The following CDH9 variants were observed in gnomAD, a reference collection of about 807,000 sequenced individuals.
CDH9 encodes cadherin 9, also known as cadherin-9.
In CDH9, 28 loss-of-function variants were observed where a neutral mutation model predicts 70.9. The ratio of observed to expected loss-of-function variants is 0.40; its 90% CI spans 0.29 to 0.54. The LOEUF (loss-of-function observed/expected upper bound fraction) is 0.54, where lower values mean the gene tolerates loss of function less well. Ranked by LOEUF, CDH9 falls within the 20% of genes least tolerant of loss-of-function variation. CDH9 has a pLI of 0.59. For missense variants in CDH9, 874 were observed against 984.4 expected (o/e 0.89, Z 1.50); for synonymous variants, 409 against 343.1 (o/e 1.19, Z -2.12).
chr5:27,038,165 AGTTTT>A (rs1490472542), intron 1 of CDH9, among the ~76,000 whole-genome samples: 1 of 151,990 alleles, frequency 6.6e-6, no homozygotes, highest in African/African-American at 2.4e-5. Flanking sequence ...TTTTAAGTTT[AGTTTT>A]ATTTTTACGA....
intron 2 of CDH9, among the ~76,000 whole-genome samples, chr5:26,918,192 C>A (rs1197625120): frequency 5.9e-5 from 9 of 152,112 alleles, no homozygotes; most frequent in Non-Finnish European, 1.3e-4. Flanking sequence ...AGCTTTCAAG[C>A]CTGATGTTTG....
intron 1 of CDH9, among the ~76,000 whole-genome samples, chr5:27,018,476 A>C (rs912851278): frequency 6.6e-6 from 1 of 151,740 alleles, no homozygotes; most frequent in Non-Finnish European, 1.5e-5. Context: ...CACTATTAGT[A>C]AGTTCAACTT....
chr5:26,931,643 A>C (rs1304928777), intron 2 of CDH9, among the ~76,000 whole-genome samples: 1 of 152,162 alleles, frequency 6.6e-6, no homozygotes. Flanking sequence ...ATGGAAGGGC[A>C]TTGTATCATG....
chr5:26,996,387 C>T (rs1290102055), intron 1 of CDH9, among the ~76,000 whole-genome samples: 1 of 151,918 alleles, frequency 6.6e-6, no homozygotes, highest in Non-Finnish European at 1.5e-5. Context: ...AATGATTTCT[C>T]ATCACCCAAT....
In CDH9 at chr5:26,988,116, T is replaced by C; in HGVS notation, c.218A>G (p.Tyr73Cys). Residue 73 changes from tyrosine (Y) to cysteine (C), a missense_variant, in exon 2 of 12, where the codon TAT (tyrosine) becomes TGT (cysteine). Transcript: ENST00000231021. The stretch of plus-strand genomic sequence containing the variant: ...TACAAAAATTCTTACCTTGCCTACA[T>C]ATTGTGTGTCAGTACCTGTGTACTC... ...LEEYTGTDTQYVGKLHTDQDK... is the reference protein window; with the variant it reads ...LEEYTGTDTQCVGKLHTDQDK... 4 of 1,609,044 alleles carry C rather than the reference T, an allele frequency of 2.5e-6. No individual in the cohort carries two copies. Among genetic ancestry groups the C allele is most frequent in the Non-Finnish European group, 3.4e-6 (4 of 1,176,364 alleles).
rs558544451 is a variant in CDH9, at chr5:26,915,725, G to A, written c.428C>T (p.Ser143Leu). ...RKTGRQVEPE[S>L]EFIIKIHDIN... ...ATCATGTATTTTAATGATAAATTCC[G>A]ATTCCGGTTCCACCTGCCGCCCAGT... The change falls in exon 3 of 12, where the codon TCG becomes TTG. Residue 143 changes from serine (S) to leucine (L), a missense_variant. Coordinates refer to ENST00000231021, the MANE Select transcript of CDH9 (RefSeq NM_016279.4). 5 of 1,612,954 alleles carry A rather than the reference G, an allele frequency of 3.1e-6. No individual in the cohort carries two copies. Among genetic ancestry groups the A allele is most frequent in the South Asian group, 2.2e-5 (2 of 91,068 alleles).
At chr5:26,977,007 A>G (rs1261850159) in intron 2 of CDH9, among the ~76,000 whole-genome samples, 1 of 152,054 alleles carries the variant, frequency 6.6e-6, no homozygotes. Context: ...AAGAACAAGG[A>G]AATAGTCTAA....
chr5:26,931,849 A>C (rs1173103228), intron 2 of CDH9, among the ~76,000 whole-genome samples: 1 of 152,034 alleles, frequency 6.6e-6, no homozygotes, highest in African/African-American at 2.4e-5. Context: ...CAAAGAATAT[A>C]CGAAAATTTG....
intron 7 of CDH9, among the ~76,000 whole-genome samples, chr5:26,892,668 A>G (rs895090589): frequency 2.0e-4 from 31 of 152,066 alleles, no homozygotes; most frequent in African/African-American, 7.2e-4. Flanking sequence ...GGCAAACATA[A>G]GTAATAGACA....
At chr5:26,971,917 A>G (rs1001205636) in intron 2 of CDH9, among the ~76,000 whole-genome samples, 2 of 152,216 alleles carry the variant, frequency 1.3e-5, no homozygotes, top group African/African-American at 2.4e-5. Context: ...AAATCTCAAC[A>G]GGATTTACTA....
At chr5:27,007,507 T>C (rs747730306) in intron 1 of CDH9, among the ~76,000 whole-genome samples, 1 of 152,114 alleles carries the variant, frequency 6.6e-6, no homozygotes, top group Non-Finnish European at 1.5e-5. Context: ...TTCAAGAGTT[T>C]ATTATGAATT....
At chr5:26,899,592 T>C (rs1023491704) in intron 7 of CDH9, among the ~76,000 whole-genome samples, 1 of 151,754 alleles carries the variant, frequency 6.6e-6, no homozygotes, top group African/African-American at 2.4e-5. Flanking sequence ...TAAATGGAAG[T>C]TGAACAAGGA....
chr5:27,001,689 A>G (rs1040712809), intron 1 of CDH9, among the ~76,000 whole-genome samples: 26 of 152,154 alleles, frequency 1.7e-4, no homozygotes, highest in Non-Finnish European at 2.4e-4. Flanking sequence ...GAACTCATCT[A>G]TAACCTAGCT....
chr5:27,030,887 G>T (rs999791269), intron 1 of CDH9, among the ~76,000 whole-genome samples: 3 of 151,766 alleles, frequency 2.0e-5, no homozygotes, highest in Admixed American at 6.6e-5. Flanking sequence ...TATATACTTA[G>T]TATATTATTT....
intron 3 of CDH9, among the ~76,000 whole-genome samples, chr5:26,912,959 C>T (rs1741078917): frequency 6.6e-6 from 1 of 152,108 alleles, no homozygotes; most frequent in Admixed American, 6.6e-5. Flanking sequence ...CCTGCACAAG[C>T]TCTCTTTCTT....
rs557624132 is a variant in CDH9, at chr5:26,985,007, C to T, written c.228+3099G>A. 1.6e-4 allele frequency among the ~76,000 whole-genome samples: 25 copies of T among 152,186 alleles called. No homozygotes were observed. The South Asian group carries it at 5.0e-3, about 30-fold the overall frequency. On this transcript the variant is annotated intron_variant, in intron 2 of 11. Coordinates refer to ENST00000231021, the MANE Select transcript of CDH9 (RefSeq NM_016279.4). ...TCATTTTCTTACTCTTCTAATCCAT[C>T]CTGACAATGAAAGAAAACTCATTAT...
chr5:26,990,428 C>A (rs1006599010), intron 1 of CDH9, among the ~76,000 whole-genome samples: 2 of 152,088 alleles, frequency 1.3e-5, no homozygotes, highest in African/African-American at 2.4e-5. Context: ...TCCAGAATTA[C>A]AGTAATACAA....
chr5:26,925,401 T>A (rs1474022254), intron 2 of CDH9, among the ~76,000 whole-genome samples: 5 of 152,122 alleles, frequency 3.3e-5, no homozygotes, highest in Non-Finnish European at 7.4e-5. Context: ...GGGTTGTTTG[T>A]TTTATTCTTG....
At chr5:27,006,428 G>C (rs1742866494) in intron 1 of CDH9, among the ~76,000 whole-genome samples, 1 of 152,062 alleles carries the variant, frequency 6.6e-6, no homozygotes. Context: ...ATCAAGGGTA[G>C]GAGGAGAGGA....
Sources: gnomAD v4.1 joint callset for allele counts (sites outside exome capture counted in the v4.1 genomes callset) on GRCh38, gnomAD v4.1.1 for gene constraint, MANE v1.5 for transcripts, NCBI Gene and HGNC (gene_info 2026-07-23, HGNC 2026-07-21) for gene names.